Variants in GSDME observed in about 807,000 individuals in gnomAD.
The protein encoded by GSDME is gasdermin-E.
GSDME carries 44 observed loss-of-function variants against 47.5 expected under a neutral mutation model. The ratio of observed to expected loss-of-function variants is 0.93; its 90% confidence interval spans 0.73 to 1.19. GSDME has a LOEUF of 1.19. Among genes scored for constraint, GSDME ranks in the 50% most tolerant of loss-of-function variants. The pLI, the probability that GSDME is intolerant of heterozygous loss-of-function variation, is 0.00. For synonymous variants in GSDME, 258 were observed against 252.8 expected (o/e 1.02, Z -0.20); for missense variants, 663 against 604.2 (o/e 1.10, Z -1.02).
chr7:24,699,184 A>T lies in GSDME; in HGVS notation c.1333T>A (p.Phe445Ile). Residue 445 changes from phenylalanine to isoleucine, a missense_variant, in exon 10 of 10, where the codon TTT becomes ATT. By Grantham distance (21) the Phe-to-Ile change is conservative. Transcript: ENST00000645220. ...GCAAACAAGCGCTGCACAATCCCAA[A>T]CCTTTCTGTATCTTTCAGGGGAGTC... ...TLTPLKDTER[F>I]GIVQRLFASA... 6.2e-7 allele frequency: 1 copy of T among 1,614,102 alleles called. No homozygotes were observed.
chr7:24,726,821 AAAC>A lies in GSDME; in HGVS notation c.405-7606_405-7604del, dbSNP rs1214306413. On this transcript the variant is annotated intron_variant, in intron 3 of 9. Transcript: ENST00000645220. This position sits in a 1 kb window ranked among gnomAD's most constrained non-coding sequence, Gnocchi z 5.6. ...ACTCCGTCTCAAAAAAAAAAAAAAA[AAAC>A]CAATGGCCTCGAGGAAGAGTTTCCA... Among the ~76,000 whole-genome samples the A allele has an allele frequency of 6.6e-6, 1 of 151,226 alleles. No homozygotes were observed. The highest frequency in any genetic ancestry group is 6.6e-5 in the Admixed American group (1 of 15,220).
At chr7:24,760,476 A>G (rs1292012056), upstream of GSDME, among the ~76,000 whole-genome samples, 2 of 152,240 alleles carry the variant, frequency 1.3e-5, no homozygotes, top group African/African-American at 4.8e-5. This position sits in a 1 kb window ranked among gnomAD's most constrained non-coding sequence, Gnocchi z 4.2. Context: ...GGCAAATTGT[A>G]TAACTTCCCA....
At chr7:24,768,323 G>C in the GSDME span, among the ~76,000 whole-genome samples, 1,155 of 152,288 alleles carry the variant, frequency 7.6e-3, 21 homozygotes, top group African/African-American at 0.026. This position sits in a 1 kb window ranked among gnomAD's most constrained non-coding sequence, Gnocchi z 5.6. Flanking sequence ...TTAGCATAGG[G>C]GGAGAGGGAA....
chr7:24,716,983 C>T lies in GSDME; in HGVS notation c.697+271G>A. ...CCAGGTTGATGCCCAGAGGACACAG[C>T]CCAGCCCTCTACTGTGCTGGTGGAA... On this transcript the variant is annotated intron_variant, in intron 5 of 9. Coordinates refer to ENST00000645220, the MANE Select transcript of GSDME (RefSeq NM_001127453.2). The surrounding 1 kb of genome is among the most constrained non-coding windows in gnomAD (Gnocchi z 4.5). The T allele has an allele frequency of 2.1e-6, 1 of 480,980 alleles. No homozygotes were observed. The allele number at this position is 480,980 out of a possible 1,614,324, so 29.8% of individuals were successfully genotyped here. A position where few individuals can be genotyped will look rare whatever the true frequency, so the allele number is the denominator to read the frequency against.
At chr7:24,720,297 T>A (rs367621841) in intron 3 of GSDME, among the ~76,000 whole-genome samples, 1 of 152,198 alleles carries the variant, frequency 6.6e-6, no homozygotes, top group Non-Finnish European at 1.5e-5. Context: ...TTCTATGAAA[T>A]GGACAGGAAA....
At chr7:24,703,954 G>C (rs556368721) in intron 8 of GSDME, 3 of 152,168 alleles carry the variant, frequency 2.0e-5, no homozygotes, top group African/African-American at 7.2e-5. Flanking sequence ...CACTTTCCAG[G>C]GTGGCTCCTG....
At chr7:24,715,708 T>C (rs1338164730) in intron 5 of GSDME, 4 of 317,912 alleles carry the variant, frequency 1.3e-5, no homozygotes, top group Admixed American at 9.5e-5. Flanking sequence ...ATGACAATAA[T>C]AACGAAAACG....
At chr7:24,717,478 C>T in intron 4 of GSDME, 104 bp from the exon 5 acceptor site, 4 of 1,551,178 alleles carry the variant, frequency 2.6e-6, no homozygotes, top group Non-Finnish European at 3.5e-6. Context: ...AGATGCTGAG[C>T]AATGTCCACA....
chr7:24,791,948 C>T, the GSDME span, among the ~76,000 whole-genome samples: 1 of 152,140 alleles, frequency 6.6e-6, no homozygotes, highest in African/African-American at 2.4e-5. The surrounding 1 kb of genome is among the most constrained non-coding windows in gnomAD (Gnocchi z 4.8). Flanking sequence ...CCACAGGGTG[C>T]TGGACTTTGG....
At position 24,757,193 on chromosome 7, in the gene GSDME, A is replaced by C. The variant is rs1791057012; in HGVS notation, c.-20+203T>G. On this transcript the variant is annotated intron_variant, in intron 1 of 9. Transcript: ENST00000645220. This position sits in a 1 kb window ranked among gnomAD's most constrained non-coding sequence, Gnocchi z 5.9. Reference sequence around the variant, plus strand: ...GACCGGGCCGGGAATGCGGGAGGCGAGGGGAGCGACGGGACCTGCCGTTCC... The same window carrying C: ...GACCGGGCCGGGAATGCGGGAGGCGCGGGGAGCGACGGGACCTGCCGTTCC... 6.6e-6 allele frequency among the ~76,000 whole-genome samples: 1 copy of C among 150,502 alleles called. No individual in the cohort carries two copies.
intron 5 of GSDME, among the ~76,000 whole-genome samples, chr7:24,711,174 T>A (rs1225487032): frequency 6.6e-6 from 1 of 152,202 alleles, no homozygotes; most frequent in African/African-American, 2.4e-5. Context: ...TACATTATTA[T>A]CTCTACTTTT....
At chr7:24,751,476 G>A (rs569185211) in intron 1 of GSDME, among the ~76,000 whole-genome samples, 7 of 152,242 alleles carry the variant, frequency 4.6e-5, no homozygotes, top group East Asian at 1.9e-4. Context: ...AATCTCTTTC[G>A]GGGCATGGGA....
At chr7:24,781,530 A>C in the GSDME span, among the ~76,000 whole-genome samples, 1 of 152,214 alleles carries the variant, frequency 6.6e-6, no homozygotes, top group Non-Finnish European at 1.5e-5. Flanking sequence ...TATACAGTTC[A>C]TATAGTATGT....
chr7:24,786,306 GAACA>G, the GSDME span, among the ~76,000 whole-genome samples: 3 of 152,164 alleles, frequency 2.0e-5, no homozygotes, highest in Admixed American at 6.5e-5. The surrounding 1 kb of genome is among the most constrained non-coding windows in gnomAD (Gnocchi z 5.5). Context: ...TAAGATTAAA[GAACA>G]AACATTTAAA....
At chr7:24,750,526 T>A (rs946386346) in intron 1 of GSDME, among the ~76,000 whole-genome samples, 2 of 152,296 alleles carry the variant, frequency 1.3e-5, no homozygotes, top group East Asian at 3.9e-4. Context: ...GGTGGGAGGA[T>A]TGCTTGAGCC....
chr7:24,708,141 C>G lies in GSDME; in HGVS notation c.976G>C (p.Val326Leu). The part of the protein sequence containing the change: ...AVLFDDELLM[V>L]LEPVCDDLVS... ...TCAGGGCTCACCACTGGTTCCAGGA[C>G]CATGAGTAGTTCATCATCAAATAGG... Residue 326 changes from valine (V) to leucine (L), a missense_variant, in exon 7 of 10, where the codon GTC (valine) becomes CTC (leucine). Physicochemically the swap from Val to Leu is conservative, Grantham distance 32. Transcript: ENST00000645220. 6.2e-7 allele frequency: 1 copy of G among 1,614,138 alleles called. No individual in the cohort carries two copies. The highest frequency in any genetic ancestry group is 8.5e-7 in the Non-Finnish European group (1 of 1,180,020).
Position 24,715,438 on chromosome 7 carries a change from T to C in GSDME, c.697+1816A>G, listed in dbSNP as rs1009603869. ...TATCCCGTCACAATGTCTATGTCTA[T>C]TGAATCATCACTTGTACATCTTGAA... On this transcript the variant is annotated intron_variant, in intron 5 of 9. Coordinates refer to ENST00000645220, the MANE Select transcript of GSDME (RefSeq NM_001127453.2). 7 of 470,764 alleles carry C rather than the reference T, an allele frequency of 1.5e-5. No individual in the cohort carries two copies. In the Admixed American group the frequency reaches 1.6e-4, roughly 11 times the overall value. The allele number at this position is 470,764 out of a possible 1,614,324, so 29.2% of individuals were successfully genotyped here.
At chr7:24,731,255 CACAA>C (rs1329195312) in intron 3 of GSDME, among the ~76,000 whole-genome samples, 2 of 152,194 alleles carry the variant, frequency 1.3e-5, no homozygotes. Context: ...CATCTCCTGC[CACAA>C]ACAAAACATG....
At chr7:24,760,878 T>C (rs1207443796), upstream of GSDME, among the ~76,000 whole-genome samples, 1 of 152,198 alleles carries the variant, frequency 6.6e-6, no homozygotes, top group Non-Finnish European at 1.5e-5. This position sits in a 1 kb window ranked among gnomAD's most constrained non-coding sequence, Gnocchi z 4.2. Context: ...TCTCTTGGTG[T>C]CCCAACCTTC....
Sources: allele counts gnomAD v4.1 joint callset (sites outside exome capture counted in the v4.1 genomes callset), GRCh38; gene constraint gnomAD v4.1.1; non-coding constraint Gnocchi (gnomAD v3.1); transcripts MANE v1.5; gene names NCBI Gene and HGNC (gene_info 2026-07-23, HGNC 2026-07-21).